Variants in OGG1 observed in about 807,000 individuals in gnomAD.
OGG1 encodes the protein N-glycosylase/DNA lyase.
In OGG1, 35 loss-of-function variants were observed where a neutral mutation model predicts 42.3. That is an observed-to-expected ratio of 0.83 (90% CI 0.63 to 1.10). The LOEUF (loss-of-function observed/expected upper bound fraction) is 1.10, where lower values mean the gene tolerates loss of function less well. Among genes scored for constraint, OGG1 ranks in the 50% least tolerant of loss-of-function variants. The pLI, the probability that OGG1 is intolerant of heterozygous loss-of-function variation, is 0.00. For missense variants in OGG1, 484 were observed against 446.7 expected, an observed-to-expected ratio of 1.08 and a Z score of -0.75; for synonymous variants, 189 against 179.0, an observed-to-expected ratio of 1.06 and a Z score of -0.44.
At chr3:9,777,065 G>A (rs1443292231) in intron 2 of OGG1, among the ~76,000 whole-genome samples, 1 of 152,130 alleles carries the variant, frequency 6.6e-6, no homozygotes. Context: ...AGAGCACTTG[G>A]TGCCCAGAGT....
chr3:9,773,807 C>T (rs368552823), intron 2 of OGG1, among the ~76,000 whole-genome samples: 13 of 152,214 alleles, frequency 8.5e-5, no homozygotes, highest in East Asian at 3.9e-4. Context: ...ATCATCCCAC[C>T]TCAGCCTCCG....
exon 8 of OGG1, chr3:9,765,994 C>T (rs1477456584): frequency 5.6e-6 from 9 of 1,614,100 alleles, no homozygotes; most frequent in Admixed American, 3.3e-5. Context: ...GGACCAAGGA[C>T]GTGGATGACC....
At chr3:9,761,264 ATT>A (rs1239679666), downstream of OGG1, 3 of 587,746 alleles carry the variant, frequency 5.1e-6, no homozygotes, top group African/African-American at 3.7e-5. Flanking sequence ...GCTGTGCTAA[ATT>A]TACCCCAGTG....
At chr3:9,781,264 G>A (rs1297692267) in intron 2 of OGG1, among the ~76,000 whole-genome samples, 2 of 152,062 alleles carry the variant, frequency 1.3e-5, no homozygotes, top group Non-Finnish European at 2.9e-5. Context: ...CGGCAACAGA[G>A]TAAGACCCTG....
At chr3:9,770,430 C>T (rs1362133706), downstream of OGG1, among the ~76,000 whole-genome samples, 1 of 152,040 alleles carries the variant, frequency 6.6e-6, no homozygotes, top group Non-Finnish European at 1.5e-5. Context: ...CAAGACTAGG[C>T]AATGAAGAGA....
Position 9,754,790 on chromosome 3 carries a change from G to A in OGG1, c.652G>A (p.Glu218Lys), listed in dbSNP as rs1269621566. ...VSASARAILE[E>K]QGGLAWLQQL... ...TGCCAGTGCCCGAGCCATCCTGGAAGAACAGGGCGGGCTAGCCTGGCTGCA... is the reference window on the plus strand; with the variant it reads ...TGCCAGTGCCCGAGCCATCCTGGAAAAACAGGGCGGGCTAGCCTGGCTGCA... The change falls in exon 4 of 7, where the codon GAA becomes AAA. Residue 218 changes from glutamate (E) to lysine (K), a missense_variant. Glu to Lys is a moderately conservative substitution (Grantham distance 56). Coordinates refer to ENST00000344629, the MANE Select transcript of OGG1 (RefSeq NM_002542.6). 1 of 1,613,762 alleles carries A rather than the reference G, an allele frequency of 6.2e-7. No homozygotes were observed. Among genetic ancestry groups the A allele is most frequent in the East Asian group, 2.2e-5 (1 of 44,898 alleles).
downstream of OGG1, chr3:9,759,793 C>T (rs548164128): frequency 5.6e-6 from 9 of 1,613,958 alleles, no homozygotes; most frequent in Non-Finnish European, 7.6e-6. Flanking sequence ...CAGCATGGTA[C>T]TGCCTGTGTA....
intron 2 of OGG1, among the ~76,000 whole-genome samples, chr3:9,774,278 G>A (rs141350807): frequency 0.037 from 5,552 of 151,854 alleles, 148 homozygotes; most frequent in Non-Finnish European, 0.056. Context: ...GTGTGGTGGC[G>A]CATGCCTGTA....
downstream of OGG1, chr3:9,758,044 G>C (rs1321752015): frequency 1.4e-6 from 1 of 717,596 alleles, no homozygotes; most frequent in Non-Finnish European, 2.2e-6. Context: ...ACATATGTTA[G>C]ATGTATGTGT....
At chr3:9,787,449 G>C in intron 3 of OGG1, 2 of 1,431,022 alleles carry the variant, frequency 1.4e-6, no homozygotes, top group East Asian at 2.4e-5. Flanking sequence ...CTAGTCCAAG[G>C]CCAAGCCCAG....
chr3:9,754,582 T>C (rs1455515131), intron 3 of OGG1, 122 bp from the exon 4 acceptor site: 4 of 1,001,050 alleles, frequency 4.0e-6, no homozygotes, highest in Non-Finnish European at 6.1e-6. Flanking sequence ...CCATAGAGGG[T>C]GGGGAGGTAG....
chr3:9,790,086 T>C (rs1476828503), downstream of OGG1: 1 of 1,254,980 alleles, frequency 8.0e-7, no homozygotes, highest in African/African-American at 1.5e-5. Context: ...CATCCTCTTT[T>C]TACCTAGTAA....
At chr3:9,759,640 C>T (rs187470736), downstream of OGG1, 137 of 1,614,064 alleles carry the variant, frequency 8.5e-5, 1 homozygote, top group African/African-American at 1.7e-3. Context: ...CCCCAAATCC[C>T]GCCCCAGCTC....
intron 4 of OGG1, among the ~76,000 whole-genome samples, chr3:9,756,003 C>T (rs1026030549): frequency 6.6e-6 from 1 of 152,176 alleles, no homozygotes; most frequent in African/African-American, 2.4e-5. Context: ...GCTAGTAGCA[C>T]CTCTTATTAC....
intron 3 of OGG1, among the ~76,000 whole-genome samples, chr3:9,786,319 G>A (rs189575313): frequency 6.6e-6 from 1 of 152,220 alleles, no homozygotes; most frequent in Admixed American, 6.6e-5. Context: ...ACCGTCAGCT[G>A]GGGTCCCTGT....
downstream of OGG1, chr3:9,760,912 C>G (rs112601810): frequency 4.8e-4 from 601 of 1,239,396 alleles, 5 homozygotes; most frequent in African/African-American, 8.4e-3. Context: ...CCTGCTCACT[C>G]CTGTTCTAGC....
chr3:9,766,583 T>C (rs2078160568), exon 8 of OGG1: 1 of 946,174 alleles, frequency 1.1e-6, no homozygotes, highest in South Asian at 2.1e-5. Context: ...TGTATGCTCA[T>C]TGAACTTTAA....
chr3:9,774,959 ATTT>A (rs201509950), intron 2 of OGG1, among the ~76,000 whole-genome samples: 6 of 142,868 alleles, frequency 4.2e-5, no homozygotes, highest in Admixed American at 7.0e-5. Context: ...TGTTTGAGTA[ATTT>A]TTTTTTTTTT....
chr3:9,768,962 C>T (rs1315711132), downstream of OGG1, among the ~76,000 whole-genome samples: 1 of 152,030 alleles, frequency 6.6e-6, no homozygotes, highest in Non-Finnish European at 1.5e-5. Context: ...ATACAACCCT[C>T]ACAGATCCAC....
Sources: gnomAD v4.1 joint callset for allele counts (sites outside exome capture counted in the v4.1 genomes callset) on GRCh38, gnomAD v4.1.1 for gene constraint, MANE v1.5 for transcripts, NCBI Gene and HGNC (gene_info 2026-07-23, HGNC 2026-07-21) for gene names.